The following FCHO2 variants were observed in gnomAD, a reference collection of about 807,000 sequenced individuals.
FCHO2 encodes FCH and mu domain containing endocytic adaptor 2, also known as F-BAR domain only protein 2.
FCHO2 carries 43 observed loss-of-function variants against 114.1 expected under a neutral mutation model. The observed-to-expected ratio is 0.38, with a 90% CI of 0.30 to 0.49. FCHO2 has a LOEUF of 0.49. FCHO2 is among the 20% of genes least tolerant of loss of function. FCHO2 has a pLI of 0.97. For missense variants in FCHO2, 807 were observed against 950.4 expected, an observed-to-expected ratio of 0.85 and a Z score of 1.98; for synonymous variants, 293 against 315.2, an observed-to-expected ratio of 0.93 and a Z score of 0.75.
chr5:73,009,172 C>T (rs1236336582), intron 6 of FCHO2, among the ~76,000 whole-genome samples: 2 of 152,202 alleles, frequency 1.3e-5, no homozygotes, highest in Non-Finnish European at 2.9e-5. Flanking sequence ...TTAAATAAGG[C>T]TTCAAGTCTA....
intron 8 of FCHO2, among the ~76,000 whole-genome samples, chr5:73,019,967 C>T (rs893685852): frequency 1.3e-5 from 2 of 152,162 alleles, no homozygotes; most frequent in African/African-American, 4.8e-5. Flanking sequence ...CTCACCAAGG[C>T]CACCTTTCAA....
At chr5:72,995,059 C>T (rs772476905) in intron 5 of FCHO2, among the ~76,000 whole-genome samples, 2 of 151,842 alleles carry the variant, frequency 1.3e-5, no homozygotes, top group East Asian at 1.9e-4. Flanking sequence ...ACCACACCCC[C>T]GTGACACACA....
At chr5:72,984,307 C>T (rs1293952957) in intron 2 of FCHO2, among the ~76,000 whole-genome samples, 1 of 152,170 alleles carries the variant, frequency 6.6e-6, no homozygotes, top group Non-Finnish European at 1.5e-5. Context: ...GCAATTTTTA[C>T]ATCTATACTT....
chr5:72,996,939 T>G (rs1046760645), intron 5 of FCHO2: 90 of 1,604,288 alleles, frequency 5.6e-5, no homozygotes, highest in Non-Finnish European at 7.4e-5. Context: ...ACGCAGTGTC[T>G]GCTGGGGCTG....
At chr5:73,007,897 A>G (rs1754804930) in intron 6 of FCHO2, among the ~76,000 whole-genome samples, 3 of 152,244 alleles carry the variant, frequency 2.0e-5, no homozygotes, top group Admixed American at 2.0e-4. Flanking sequence ...GCCTTTTAAG[A>G]TAAGTGATGT....
intron 5 of FCHO2, among the ~76,000 whole-genome samples, chr5:72,993,568 A>G (rs1401172804): frequency 1.3e-5 from 2 of 151,512 alleles, no homozygotes; most frequent in African/African-American, 2.4e-5. Flanking sequence ...GAAAATGGGT[A>G]TTTTTTTTTC....
intron 8 of FCHO2, among the ~76,000 whole-genome samples, chr5:73,029,421 G>A (rs1425663849): frequency 6.6e-6 from 1 of 152,156 alleles, no homozygotes; most frequent in African/African-American, 2.4e-5. Context: ...TGGAGAACTA[G>A]ATAAAATTTT....
intron 8 of FCHO2, among the ~76,000 whole-genome samples, chr5:73,021,454 A>G (rs1755619654): frequency 6.6e-6 from 1 of 152,142 alleles, no homozygotes; most frequent in Non-Finnish European, 1.5e-5. Flanking sequence ...TGTTTCACAT[A>G]CATGCTTCCT....
intron 13 of FCHO2, among the ~76,000 whole-genome samples, chr5:73,053,413 G>A (rs1757424030): frequency 6.6e-6 from 1 of 152,012 alleles, no homozygotes. Context: ...GGTGAATATA[G>A]GGCCGGGCAT....
chr5:72,996,284 G>A (rs974183946), intron 5 of FCHO2, among the ~76,000 whole-genome samples: 2 of 149,896 alleles, frequency 1.3e-5, no homozygotes, highest in African/African-American at 4.9e-5. Context: ...TTCATATAAT[G>A]GGATACAATA....
intron 1 of FCHO2, among the ~76,000 whole-genome samples, chr5:72,964,541 C>T (rs1752074938): frequency 2.0e-5 from 3 of 152,244 alleles, no homozygotes; most frequent in Admixed American, 2.0e-4. Context: ...CACGCCACCA[C>T]ACCTGGCAAA....
chr5:72,993,879 A>G (rs1753938107), intron 5 of FCHO2, among the ~76,000 whole-genome samples: 1 of 152,242 alleles, frequency 6.6e-6, no homozygotes, highest in Admixed American at 6.5e-5. Flanking sequence ...AAAACAAGCA[A>G]TGGGGAAAGG....
chr5:73,066,209 C>T (rs1029927302), intron 18 of FCHO2, among the ~76,000 whole-genome samples: 2 of 151,876 alleles, frequency 1.3e-5, no homozygotes, highest in African/African-American at 4.8e-5. Flanking sequence ...CATACACTAC[C>T]CTCTCCCCAT....
At chr5:73,025,375 ATTT>A (rs367615996) in intron 8 of FCHO2, among the ~76,000 whole-genome samples, 1 of 100,480 alleles carries the variant, frequency 1.0e-5, no homozygotes. Context: ...CACCCAGCTA[ATTT>A]TTTTTTTTTT....
At chr5:73,073,352 A>G (rs573629758) in intron 19 of FCHO2, among the ~76,000 whole-genome samples, 1 of 152,092 alleles carries the variant, frequency 6.6e-6, no homozygotes, top group Non-Finnish European at 1.5e-5. Context: ...AAGGTCTTTC[A>G]TACCCTAATC....
chr5:73,067,159 A>C (rs1465906324), intron 18 of FCHO2, among the ~76,000 whole-genome samples: 1 of 152,054 alleles, frequency 6.6e-6, no homozygotes, highest in Non-Finnish European at 1.5e-5. Context: ...ACTGTAGTAG[A>C]TAGCATAATT....
intron 13 of FCHO2, among the ~76,000 whole-genome samples, chr5:73,053,477 C>G (rs984271725): frequency 6.6e-6 from 1 of 152,130 alleles, no homozygotes; most frequent in African/African-American, 2.4e-5. Context: ...GGGTGGATCA[C>G]AAGGTCAGGA....
chr5:73,051,242 C>A, intron 11 of FCHO2, 107 bp from the exon 12 acceptor site: 1 of 680,834 alleles, frequency 1.5e-6, no homozygotes, highest in Admixed American at 3.2e-5. Context: ...CTGTTGATAT[C>A]TGAGAAGCGG....
At chr5:73,006,407 A>G in intron 5 of FCHO2, 38 bp from the exon 6 acceptor site, 2 of 1,291,658 alleles carry the variant, frequency 1.5e-6, no homozygotes, top group East Asian at 2.8e-5. Context: ...AAAAAGGTCA[A>G]TGCACAGTTA....
Sources: allele counts gnomAD v4.1 joint callset (sites outside exome capture counted in the v4.1 genomes callset), GRCh38; gene constraint gnomAD v4.1.1; transcripts MANE v1.5; gene names NCBI Gene and HGNC (gene_info 2026-07-23, HGNC 2026-07-21).